The following PCSK2 variants were observed in gnomAD, a reference collection of about 807,000 sequenced individuals.
The protein encoded by PCSK2 is proprotein convertase subtilisin/kexin type 2, also known as neuroendocrine convertase 2.
Under a neutral mutation model 69.7 loss-of-function variants are expected in PCSK2, and 14 were observed. That is an observed-to-expected ratio of 0.20 (90% CI 0.13 to 0.31). The LOEUF (loss-of-function observed/expected upper bound fraction) is 0.31. PCSK2 is among the 10% of genes least tolerant of loss of function. PCSK2 has a pLI of 1.00. For missense variants in PCSK2, 544 were observed against 842.5 expected (o/e 0.65, Z 4.39); for synonymous variants, 307 against 320.7 (o/e 0.96, Z 0.46).
intron 10 of PCSK2, among the ~76,000 whole-genome samples, chr20:17,456,877 G>A (rs1384920079): frequency 6.6e-6 from 1 of 152,164 alleles, no homozygotes; most frequent in Non-Finnish European, 1.5e-5. Flanking sequence ...CAAACAAAGT[G>A]GTCCCACTCA....
intron 2 of PCSK2, among the ~76,000 whole-genome samples, chr20:17,301,358 C>T (rs1428461450): frequency 1.3e-5 from 2 of 152,078 alleles, no homozygotes; most frequent in Non-Finnish European, 2.9e-5. Flanking sequence ...TCAAAGGCCC[C>T]TTGGAGGAGT....
chr20:17,342,405 C>G (rs1016130993), intron 2 of PCSK2, among the ~76,000 whole-genome samples: 4 of 152,162 alleles, frequency 2.6e-5, no homozygotes, highest in Non-Finnish European at 5.9e-5. Context: ...GCACCCTCCA[C>G]CCCACTGAGG....
At chr20:17,444,404 C>T (rs905349076) in intron 8 of PCSK2, among the ~76,000 whole-genome samples, 13 of 152,226 alleles carry the variant, frequency 8.5e-5, no homozygotes, top group Admixed American at 5.9e-4. Flanking sequence ...AAGTTTGCAC[C>T]TCCTACATTT....
chr20:17,239,729 T>A (rs1445648753), intron 1 of PCSK2, among the ~76,000 whole-genome samples: 1 of 151,048 alleles, frequency 6.6e-6, no homozygotes, highest in African/African-American at 2.4e-5. Context: ...ACAAACATAA[T>A]GCAACACACT....
At chr20:17,352,092 C>T (rs924171661) in intron 2 of PCSK2, among the ~76,000 whole-genome samples, 4 of 152,162 alleles carry the variant, frequency 2.6e-5, no homozygotes, top group African/African-American at 4.8e-5. Flanking sequence ...AACACAATCC[C>T]ACGTATAATA....
At chr20:17,413,344 A>C (rs1180288293) in intron 6 of PCSK2, among the ~76,000 whole-genome samples, 1 of 152,200 alleles carries the variant, frequency 6.6e-6, no homozygotes, top group East Asian at 1.9e-4. Flanking sequence ...AAGATCTACC[A>C]AGCAAATGGA....
At chr20:17,401,691 A>C (rs1215628931) in intron 5 of PCSK2, among the ~76,000 whole-genome samples, 3 of 152,230 alleles carry the variant, frequency 2.0e-5, no homozygotes, top group African/African-American at 7.2e-5. Context: ...GGGTGTGCTG[A>C]AAAGATACTT....
chr20:17,295,815 C>G (rs1337839587), intron 2 of PCSK2, among the ~76,000 whole-genome samples: 1 of 152,126 alleles, frequency 6.6e-6, no homozygotes, highest in Non-Finnish European at 1.5e-5. Context: ...CCCAGTCTTT[C>G]AAAGTGGTGG....
chr20:17,340,342 C>T (rs1194575632), intron 2 of PCSK2, among the ~76,000 whole-genome samples: 7 of 152,196 alleles, frequency 4.6e-5, no homozygotes, highest in Non-Finnish European at 8.8e-5. Context: ...CTGTGTCCTA[C>T]ACGCCTATAA....
chr20:17,398,693 G>A (rs1406439925), intron 5 of PCSK2, among the ~76,000 whole-genome samples: 1 of 151,942 alleles, frequency 6.6e-6, no homozygotes, highest in Non-Finnish European at 1.5e-5. Flanking sequence ...TTAGCTCAGT[G>A]GTTCTCAACC....
At chr20:17,332,767 T>C (rs1465542238) in intron 2 of PCSK2, among the ~76,000 whole-genome samples, 1 of 152,194 alleles carries the variant, frequency 6.6e-6, no homozygotes, top group African/African-American at 2.4e-5. Flanking sequence ...GCATTCACCA[T>C]TGCTGACCTG....
chr20:17,424,636 G>A (rs1274647543), intron 6 of PCSK2, among the ~76,000 whole-genome samples: 1 of 151,576 alleles, frequency 6.6e-6, no homozygotes, highest in Non-Finnish European at 1.5e-5. Flanking sequence ...GAGATTACAG[G>A]CACGCGCCAC....
intron 8 of PCSK2, among the ~76,000 whole-genome samples, chr20:17,447,002 C>T (rs534205208): frequency 1.1e-3 from 172 of 152,168 alleles, no homozygotes; most frequent in South Asian, 2.7e-3. Flanking sequence ...CCTGTAATCC[C>T]AGCATTTTGG....
At chr20:17,267,753 G>A (rs1220114885) in intron 2 of PCSK2, among the ~76,000 whole-genome samples, 1 of 152,114 alleles carries the variant, frequency 6.6e-6, no homozygotes, top group African/African-American at 2.4e-5. Flanking sequence ...GAGGCATCAT[G>A]CTAGCAAAGC....
intron 5 of PCSK2, among the ~76,000 whole-genome samples, chr20:17,390,253 A>C (rs535156214): frequency 6.6e-6 from 1 of 152,338 alleles, no homozygotes; most frequent in East Asian, 1.9e-4. Flanking sequence ...AGGTAGGTGA[A>C]GATTAACTGA....
At chr20:17,477,228 C>T (rs1361382958) in intron 11 of PCSK2, among the ~76,000 whole-genome samples, 1 of 152,176 alleles carries the variant, frequency 6.6e-6, no homozygotes, top group Non-Finnish European at 1.5e-5. Flanking sequence ...AAATATTTTA[C>T]TTATACTCCA....
chr20:17,348,667 A>C (rs910973702), intron 2 of PCSK2, among the ~76,000 whole-genome samples: 8 of 152,192 alleles, frequency 5.3e-5, no homozygotes, highest in African/African-American at 1.7e-4. Context: ...GGTTGGTTTC[A>C]TCAGGGCCAT....
chr20:17,361,598 A>T (rs2030398994), intron 4 of PCSK2, among the ~76,000 whole-genome samples: 1 of 152,220 alleles, frequency 6.6e-6, no homozygotes, highest in African/African-American at 2.4e-5. Context: ...CCATCCGAAG[A>T]TCCTCAAAGA....
chr20:17,273,485 C>T (rs1226137233), intron 2 of PCSK2, among the ~76,000 whole-genome samples: 1 of 152,166 alleles, frequency 6.6e-6, no homozygotes, highest in African/African-American at 2.4e-5. Flanking sequence ...ATCTAAAGTA[C>T]ATGTTAATTT....
Sources: allele counts gnomAD v4.1 joint callset (sites outside exome capture counted in the v4.1 genomes callset), GRCh38; gene constraint gnomAD v4.1.1; transcripts MANE v1.5; gene names NCBI Gene and HGNC (gene_info 2026-07-23, HGNC 2026-07-21).